Variants in IFIH1 observed in about 807,000 individuals in gnomAD.
IFIH1 encodes interferon-induced helicase C domain-containing protein 1.
A neutral mutation model predicts 107.4 loss-of-function variants in IFIH1; 125 were observed. The ratio of observed to expected loss-of-function variants is 1.16; its 90% CI spans 1.01 to 1.35. IFIH1 has a LOEUF of 1.35. IFIH1 is among the 40% of genes most tolerant of loss of function. IFIH1 has a pLI of 0.00. For synonymous variants in IFIH1, 458 were observed against 413.2 expected (o/e 1.11, Z -1.31); for missense variants, 1,333 against 1,213.7 (o/e 1.10, Z -1.46).
intron 3 of IFIH1, among the ~76,000 whole-genome samples, chr2:162,303,677 A>G (rs1454342336): frequency 6.6e-6 from 1 of 152,054 alleles, no homozygotes; most frequent in Non-Finnish European, 1.5e-5. Context: ...AAAAAATAAA[A>G]AGCTTTTCTG....
At chr2:162,311,593 T>A (rs1268807444) in intron 1 of IFIH1, among the ~76,000 whole-genome samples, 2 of 152,016 alleles carry the variant, frequency 1.3e-5, no homozygotes, top group East Asian at 3.9e-4. Context: ...TTCATTAGAG[T>A]CTTTAGCCTT....
chr2:162,280,992 A>G (rs1341206372), intron 7 of IFIH1, among the ~76,000 whole-genome samples: 1 of 152,080 alleles, frequency 6.6e-6, no homozygotes, highest in East Asian at 1.9e-4. Context: ...TGTGACAACT[A>G]GAAACTTTCA....
intron 11 of IFIH1, among the ~76,000 whole-genome samples, chr2:162,274,807 C>T (rs964533790): frequency 6.6e-6 from 1 of 152,138 alleles, no homozygotes; most frequent in African/African-American, 2.4e-5. Context: ...ATTTGGTGCA[C>T]ATCCACACTG....
intron 1 of IFIH1, among the ~76,000 whole-genome samples, chr2:162,316,614 G>C (rs1216633873): frequency 2.6e-5 from 4 of 152,200 alleles, no homozygotes; most frequent in Non-Finnish European, 4.4e-5. Context: ...ATGCCCAGAA[G>C]TTTGTATGAA....
chr2:162,276,598 T>C, intron 11 of IFIH1, 89 bp downstream of exon 11: 1 of 1,419,622 alleles, frequency 7.0e-7, no homozygotes, highest in Non-Finnish European at 9.5e-7. Flanking sequence ...GAGCGAGGCC[T>C]CGTCTGAAAG....
At chr2:162,288,764 T>A (rs1682941678) in intron 4 of IFIH1, among the ~76,000 whole-genome samples, 1 of 151,910 alleles carries the variant, frequency 6.6e-6, no homozygotes, top group Non-Finnish European at 1.5e-5. Context: ...ACTTAGCCCT[T>A]CCACCTACAA....
chr2:162,297,471 T>C (rs58375444), intron 3 of IFIH1, among the ~76,000 whole-genome samples: 22,691 of 152,100 alleles, frequency 0.15, 4,060 homozygotes, highest in African/African-American at 0.41. Flanking sequence ...AAATTAACCT[T>C]CTGTTTTAAA....
intron 1 of IFIH1, among the ~76,000 whole-genome samples, 172 bp downstream of exon 1, chr2:162,317,683 T>C (rs1683526796): frequency 6.6e-6 from 1 of 152,190 alleles, no homozygotes; most frequent in African/African-American, 2.4e-5. Context: ...AAGTAGTTCT[T>C]TTGTGTTTAA....
chr2:162,272,377 C>G lies in IFIH1; in HGVS notation c.2465G>C (p.Arg822Pro). ...GTAGGTGCTCTCATCAGCTCTGGCT[C>G]GACCACGGGCCTGAAAACACAAATA... Reference protein sequence around the residue: ...NEIAMVQARGRARADESTYVL... With the variant: ...NEIAMVQARGPARADESTYVL... The change falls in exon 13 of 16, where the codon CGA becomes CCA. Residue 822 changes from arginine to proline, a missense_variant. Arg to Pro is a moderately radical substitution (Grantham distance 103). Transcript: ENST00000649979. The G allele has an allele frequency of 6.2e-7, 1 of 1,611,990 alleles. No homozygotes were observed. Among genetic ancestry groups the G allele is most frequent in the Non-Finnish European group, 8.5e-7 (1 of 1,179,052 alleles).
intron 3 of IFIH1, among the ~76,000 whole-genome samples, chr2:162,305,291 C>T (rs1247035451): frequency 6.6e-6 from 1 of 152,148 alleles, no homozygotes; most frequent in Non-Finnish European, 1.5e-5. Flanking sequence ...ATAACAAGGC[C>T]AGGCGGAGTG....
intron 2 of IFIH1, among the ~76,000 whole-genome samples, chr2:162,308,842 C>T (rs1186380279): frequency 2.0e-5 from 3 of 152,232 alleles, no homozygotes; most frequent in African/African-American, 7.2e-5. Flanking sequence ...TTCATCTCAT[C>T]TCATCAGCCC....
intron 1 of IFIH1, among the ~76,000 whole-genome samples, chr2:162,317,084 T>C (rs930765836): frequency 4.6e-5 from 7 of 151,680 alleles, no homozygotes; most frequent in South Asian, 2.1e-4. Flanking sequence ...TAAGACTAAA[T>C]GGCACAAAGT....
In IFIH1 at chr2:162,272,370, T is replaced by G. The variant is rs1691058098; in HGVS notation, c.2472A>C (p.Arg824Ser). The change falls in exon 13 of 16, where the codon AGA (arginine) becomes AGC (serine). Residue 824 changes from arginine to serine, a missense_variant. Physicochemically the swap from Arg to Ser is moderately radical, Grantham distance 110. Transcript: ENST00000649979. ...IAMVQARGRA[R>S]ADESTYVLVA... ...CCAGGACGTAGGTGCTCTCATCAGC[T>G]CTGGCTCGACCACGGGCCTGAAAAC... 5 of 1,613,170 alleles carry G rather than the reference T, an allele frequency of 3.1e-6. No homozygotes were observed. The highest frequency in any genetic ancestry group is 4.2e-6 in the Non-Finnish European group (5 of 1,179,596).
chr2:162,273,992 A>G, intron 11 of IFIH1, 48 bp from the exon 12 acceptor site: 1 of 1,256,648 alleles, frequency 8.0e-7, no homozygotes, highest in Non-Finnish European at 1.1e-6. Flanking sequence ...TAAACACATT[A>G]AAATCTTCTA....
intron 4 of IFIH1, among the ~76,000 whole-genome samples, chr2:162,289,052 G>A (rs1191421971): frequency 6.6e-6 from 1 of 151,614 alleles, no homozygotes; most frequent in Non-Finnish European, 1.5e-5. Context: ...CTCTTCCTAT[G>A]CTAGCCTTTA....
rs373075167 is a variant in IFIH1 at position 162,310,407 on chromosome 2, T to C, written c.622+358A>G. On this transcript the variant is annotated intron_variant, in intron 2 of 15. Transcript: ENST00000649979. ...ACATTGCTTAAAATGTATAAAAATG[T>C]TCAGAAGAATATGCAGCAGATTTTT... 15 of 361,702 alleles carry C rather than the reference T, an allele frequency of 4.1e-5. No homozygotes were observed. The South Asian group carries it at 7.3e-4, about 18-fold the overall frequency. The allele number at this position is 361,702 out of a possible 1,614,324, so 22.4% of individuals were successfully genotyped here.
At chr2:162,267,667 C>T (rs1032904355) in intron 14 of IFIH1, 98 bp from the exon 15 acceptor site, 7 of 862,144 alleles carry the variant, frequency 8.1e-6, no homozygotes, top group South Asian at 7.1e-5. Flanking sequence ...CGCATGCCTG[C>T]GGTATTCTAC....
At chr2:162,270,102 A>G (rs1691006147) in intron 13 of IFIH1, among the ~76,000 whole-genome samples, 1 of 152,180 alleles carries the variant, frequency 6.6e-6, no homozygotes, top group South Asian at 2.1e-4. Flanking sequence ...CTAAAAGACT[A>G]ACTCTAAAAT....
intron 11 of IFIH1, among the ~76,000 whole-genome samples, chr2:162,276,467 T>C (rs1320303826): frequency 6.6e-6 from 1 of 151,994 alleles, no homozygotes; most frequent in Non-Finnish European, 1.5e-5. Context: ...TAGTTGGGTG[T>C]GGTGGTGCAC....
Sources: gnomAD v4.1 joint callset for allele counts (sites outside exome capture counted in the v4.1 genomes callset) on GRCh38, gnomAD v4.1.1 for gene constraint, MANE v1.5 for transcripts, NCBI Gene and HGNC (gene_info 2026-07-23, HGNC 2026-07-21) for gene names.